The following ANKRD60 variants were observed in gnomAD, a reference collection of about 807,000 sequenced individuals.
ANKRD60 encodes the protein ankyrin repeat domain-containing protein 60.
In ANKRD60, 24 loss-of-function variants were observed where a neutral mutation model predicts 21.3. The observed-to-expected ratio is 1.13, with a 90% CI of 0.82 to 1.59. The LOEUF (loss-of-function observed/expected upper bound fraction) is 1.59, where lower values mean the gene tolerates loss of function less well. Ranked by LOEUF, ANKRD60 falls within the 40% of genes most tolerant of loss-of-function variation. The probability of loss-of-function intolerance (pLI) is 0.00; values close to 1 mark genes in which losing one functional copy is unlikely to be tolerated. For missense variants in ANKRD60, 490 were observed against 466.7 expected, an observed-to-expected ratio of 1.05 and a Z score of -0.46; for synonymous variants, 182 against 199.4, an observed-to-expected ratio of 0.91 and a Z score of 0.74.
chr20:58,218,605 G>A (rs199986773), exon 4 of ANKRD60: 27 of 1,551,756 alleles, frequency 1.7e-5, no homozygotes, highest in African/African-American at 1.2e-4. Context: ...TTTGCTATCC[G>A]GTGGAGGAGG....
intron 1 of ANKRD60, among the ~76,000 whole-genome samples, chr20:58,223,425 T>G (rs1984302739): frequency 6.6e-6 from 1 of 152,192 alleles, no homozygotes; most frequent in South Asian, 2.1e-4. Flanking sequence ...ATTTATAAAA[T>G]TCTGTAATTA....
In ANKRD60 at chr20:58,228,303, G is replaced by GGTCATGTC; in HGVS notation, c.343_350dup (p.Val118ThrfsTer2). 6.4e-7 allele frequency: 1 copy of GGTCATGTC among 1,551,354 alleles called. No homozygotes were observed. Among genetic ancestry groups the GGTCATGTC allele is most frequent in the South Asian group, 1.2e-5 (1 of 84,052 alleles). On this transcript the variant is annotated stop_gained and frameshift_variant, in exon 1 of 4. Transcript: ENST00000457363. LOFTEE classifies it high-confidence loss of function. This position sits in a 1 kb window ranked among gnomAD's most constrained non-coding sequence, Gnocchi z 5.3. ...CCAGCTCCTCTTTGAGCTCCCGCAC[G>GGTCATGTC]GTCATGTCGCCGCGGCAGTTTGCCA...
intron 1 of ANKRD60, 39 bp from the exon 2 acceptor site, chr20:58,223,221 A>T (rs1248616686): frequency 4.0e-6 from 6 of 1,515,680 alleles, no homozygotes; most frequent in Non-Finnish European, 5.3e-6. Context: ...AAAATTGGGT[A>T]TTAAAGATAA....
exon 3 of ANKRD60, chr20:58,221,387 C>A: frequency 6.4e-7 from 1 of 1,552,028 alleles, no homozygotes. Flanking sequence ...TGTGTGAGGC[C>A]ACATACAACG....
chr20:58,218,615 G>T (rs1226600343), exon 4 of ANKRD60: 1 of 1,551,766 alleles, frequency 6.4e-7, no homozygotes. Flanking sequence ...GGTGGAGGAG[G>T]ACCATCTGCC....
downstream of ANKRD60, among the ~76,000 whole-genome samples, chr20:58,217,227 G>A (rs376215846): frequency 3.9e-5 from 6 of 152,092 alleles, no homozygotes; most frequent in Non-Finnish European, 7.4e-5. Flanking sequence ...TCAGGAGTTC[G>A]AGACCAACCT....
intron 1 of ANKRD60, among the ~76,000 whole-genome samples, chr20:58,223,679 C>A (rs921017033): frequency 1.3e-5 from 2 of 152,196 alleles, no homozygotes; most frequent in African/African-American, 4.8e-5. Context: ...ATTTTTCCAC[C>A]TTGGCACTGC....
At chr20:58,222,810 G>A (rs1055428588) in intron 2 of ANKRD60, among the ~76,000 whole-genome samples, 2 of 152,180 alleles carry the variant, frequency 1.3e-5, no homozygotes, top group Admixed American at 6.5e-5. Flanking sequence ...ACTCCTTTGC[G>A]GGGAGGGGTG....
chr20:58,228,558 G>A lies in ANKRD60; in HGVS notation c.96C>T (p.His32=), dbSNP rs1204936328. 6 of 1,263,596 alleles carry A rather than the reference G, an allele frequency of 4.7e-6. No homozygotes were observed. The highest frequency in any genetic ancestry group is 2.7e-5 in the South Asian group (1 of 37,370). 78.3% of individuals were successfully genotyped at this position (1,263,596 alleles called of 1,614,324 possible). ...CACCGCTCCTGCGTCCCGCATTGGGGTGCAGGCGAGAGGCGCCCCCAGTTG... is the reference window on the plus strand; with the variant it reads ...CACCGCTCCTGCGTCCCGCATTGGGATGCAGGCGAGAGGCGCCCCCAGTTG... Residue 32 remains histidine, a synonymous_variant, in exon 1 of 4, where the codon CAC becomes CAT. Transcript: ENST00000457363. This position sits in a 1 kb window ranked among gnomAD's most constrained non-coding sequence, Gnocchi z 5.3.
At chr20:58,221,187 T>G in intron 3 of ANKRD60, 151 bp downstream of exon 3, 1 of 772,038 alleles carries the variant, frequency 1.3e-6, no homozygotes, top group East Asian at 2.9e-5. Flanking sequence ...AGACAGGGAG[T>G]GAGTGGCACC....
chr20:58,228,568 G>A lies in ANKRD60; in HGVS notation c.86C>T (p.Ser29Phe), dbSNP rs146771462. 7.4e-6 allele frequency: 9 copies of A among 1,214,050 alleles called. No homozygotes were observed. The highest frequency in any genetic ancestry group is 8.2e-6 in the Non-Finnish European group (8 of 977,528). 75.2% of individuals were successfully genotyped at this position (1,214,050 alleles called of 1,614,324 possible). A position where few individuals can be genotyped will look rare whatever the true frequency, so the allele number is the denominator to read the frequency against. ...GCGTCCCGCATTGGGGTGCAGGCGA[G>A]AGGCGCCCCCAGTTGGCCCCGCCGC... The change falls in exon 1 of 4, where the codon TCT (serine) becomes TTT (phenylalanine). Residue 29 changes from serine to phenylalanine, a missense_variant. Coordinates refer to ENST00000457363, the Ensembl canonical transcript of ANKRD60. This position sits in a 1 kb window ranked among gnomAD's most constrained non-coding sequence, Gnocchi z 5.3.
Position 58,228,509 on chromosome 20 carries a change from C to T in ANKRD60, c.145G>A (p.Gly49Ser), listed in dbSNP as rs1423636174. ...TCCGCCGAGCCCACCCTGGGCCCGC[C>T]GCACCCCTGAGCCCCGGCCCGCGCA... The change falls in exon 1 of 4, where the codon GGC (glycine) becomes AGC (serine). Residue 49 changes from glycine to serine, a missense_variant. Coordinates refer to ENST00000457363, the Ensembl canonical transcript of ANKRD60. The surrounding 1 kb of genome is among the most constrained non-coding windows in gnomAD (Gnocchi z 5.3). 3 of 1,432,040 alleles carry T rather than the reference C, an allele frequency of 2.1e-6. No individual in the cohort carries two copies. Among genetic ancestry groups the T allele is most frequent in the South Asian group, 2.9e-5 (2 of 68,824 alleles). 88.7% of individuals were successfully genotyped at this position (1,432,040 alleles called of 1,614,324 possible). A position where few individuals can be genotyped will look rare whatever the true frequency, so the allele number is the denominator to read the frequency against.
Position 58,221,333 on chromosome 20 carries a change from A to G in ANKRD60, c.727+5T>C. 1 of 1,549,162 alleles carries G rather than the reference A, an allele frequency of 6.5e-7. No homozygotes were observed. On this transcript the variant is annotated splice_donor_5th_base_variant and intron_variant, in intron 3 of 3. Coordinates refer to ENST00000457363, the Ensembl canonical transcript of ANKRD60. ...TGAATATAGCAAGCTTTCTACCAGA[A>G]TTACCGTGTTCTAGAAGGTACTGCA...
chr20:58,222,425 T>C (rs1004957900), intron 2 of ANKRD60, among the ~76,000 whole-genome samples: 3 of 152,192 alleles, frequency 2.0e-5, no homozygotes, highest in African/African-American at 7.2e-5. Context: ...AGAAACTCCA[T>C]CTCTTCTTCT....
intron 2 of ANKRD60, 146 bp from the exon 3 acceptor site, chr20:58,221,649 A>G: frequency 1.1e-6 from 1 of 888,374 alleles, no homozygotes; most frequent in South Asian, 1.8e-5. Context: ...ACCCTCATGA[A>G]AAGCTGAGAA....
At chr20:58,226,371 G>A (rs1168660875) in intron 1 of ANKRD60, among the ~76,000 whole-genome samples, 1 of 152,114 alleles carries the variant, frequency 6.6e-6, no homozygotes, top group African/African-American at 2.4e-5. Flanking sequence ...CATTTGGAGG[G>A]TAGGAATCGA....
At position 58,218,784 on chromosome 20, in the gene ANKRD60, G is replaced by C. The variant is rs936159210; in HGVS notation, c.749C>G (p.Ser250Cys). The stretch of plus-strand genomic sequence containing the variant: ...ATGCAGGGGTGTCCTGCCCAGGGGG[G>C]ATCTGCTGAGGCAGCTGGCTCCTGT... The change falls in exon 4 of 4, where the codon TCC becomes TGC. Residue 250 changes from serine to cysteine, a missense_variant. By Grantham distance (112) the Ser-to-Cys change is moderately radical. Coordinates refer to ENST00000457363, the Ensembl canonical transcript of ANKRD60. 3.2e-6 allele frequency: 5 copies of C among 1,541,566 alleles called. No individual in the cohort carries two copies. The African/African-American group carries it at 5.5e-5, about 17-fold the overall frequency.
chr20:58,226,949 G>C (rs1984377323), intron 1 of ANKRD60, among the ~76,000 whole-genome samples: 1 of 152,126 alleles, frequency 6.6e-6, no homozygotes, highest in Admixed American at 6.5e-5. Context: ...TTGGGCAATT[G>C]AGGGTCATGA....
At chr20:58,218,546 C>T in exon 4 of ANKRD60, 1 of 1,551,780 alleles carries the variant, frequency 6.4e-7, no homozygotes, top group East Asian at 2.4e-5. Flanking sequence ...ACTTGACCCT[C>T]TGCAAAGCAT....
Sources: gnomAD v4.1 joint callset for allele counts (sites outside exome capture counted in the v4.1 genomes callset) on GRCh38, gnomAD v4.1.1 for gene constraint, Gnocchi (gnomAD v3.1) non-coding constraint, MANE v1.5 for transcripts, NCBI Gene and HGNC (gene_info 2026-07-23, HGNC 2026-07-21) for gene names.